The following ESR1 variants were observed in gnomAD, a reference collection of about 807,000 sequenced individuals.
ESR1 encodes the protein estrogen receptor.
ESR1 carries 12 observed loss-of-function variants against 52.7 expected under a neutral mutation model. The observed-to-expected ratio is 0.23, with a 90% CI of 0.15 to 0.37. The LOEUF (loss-of-function observed/expected upper bound fraction) is 0.37. ESR1 is among the 10% of genes least tolerant of loss of function. The probability of loss-of-function intolerance (pLI) is 1.00; values close to 1 mark genes in which losing one functional copy is unlikely to be tolerated. For synonymous variants in ESR1, 305 were observed against 316.8 expected (o/e 0.96, Z 0.39); for missense variants, 584 against 779.7 (o/e 0.75, Z 2.99).
intron 6 of ESR1, among the ~76,000 whole-genome samples, chr6:152,083,905 A>G (rs904791608): frequency 6.6e-6 from 1 of 152,226 alleles, no homozygotes; most frequent in Non-Finnish European, 1.5e-5. Context: ...CATTTGACCC[A>G]GTGATCTCAT....
chr6:152,106,054 A>G (rs1316674738), downstream of ESR1, among the ~76,000 whole-genome samples: 2 of 151,640 alleles, frequency 1.3e-5, no homozygotes, highest in Non-Finnish European at 1.5e-5. Context: ...CGGCCTCCCA[A>G]AGTGCTGGGA....
At chr6:151,832,144 A>C (rs936045154) in intron 1 of ESR1, among the ~76,000 whole-genome samples, 4 of 152,250 alleles carry the variant, frequency 2.6e-5, no homozygotes, top group African/African-American at 9.6e-5. Context: ...TCAGATAAAC[A>C]GTATAAAAGA....
chr6:151,887,929 A>T (rs1794120538), intron 3 of ESR1, among the ~76,000 whole-genome samples: 1 of 150,134 alleles, frequency 6.7e-6, no homozygotes, highest in Non-Finnish European at 1.5e-5. Flanking sequence ...CTCTAGAAAC[A>T]TTTATCAAAG....
chr6:151,867,414 TACAC>T (rs34943625), intron 2 of ESR1, among the ~76,000 whole-genome samples: 129 of 147,556 alleles, frequency 8.7e-4, no homozygotes, highest in African/African-American at 2.7e-3. Context: ...TCAACAAATT[TACAC>T]ACACACACAC....
Position 151,961,175 on chromosome 6 carries a change from T to A in ESR1, c.1096+16667T>A, listed in dbSNP as rs771697664. Among the ~76,000 whole-genome samples the A allele has an allele frequency of 3.3e-5, 5 of 152,012 alleles. No individual in the cohort carries two copies. In the South Asian group the frequency reaches 1.0e-3, roughly 32 times the overall value. ...TCAGCATAGAGATGATGAATGAGAT[T>A]AGCAAAGTAGTGAGTGTAAAAAGGA... On this transcript the variant is annotated intron_variant, in intron 4 of 7. Coordinates refer to ENST00000206249, the MANE Select transcript of ESR1 (RefSeq NM_000125.4).
chr6:152,099,290 A>G lies in ESR1; in HGVS notation c.*324A>G. On this transcript the variant is annotated 3_prime_UTR_variant, in exon 8 of 8. Transcript: ENST00000206249. ...GGTTGGGGCTCAGATAACTCTGTGCATTTAAGCTACTTGTAGAGACCCAGG... is the reference window on the plus strand; with the variant it reads ...GGTTGGGGCTCAGATAACTCTGTGCGTTTAAGCTACTTGTAGAGACCCAGG... 4.4e-6 allele frequency: 2 copies of G among 456,300 alleles called. No individual in the cohort carries two copies. Among genetic ancestry groups the G allele is most frequent in the Admixed American group, 3.4e-5 (1 of 29,336 alleles). 28.3% of individuals were successfully genotyped at this position (456,300 alleles called of 1,614,324 possible).
At chr6:151,912,560 C>A (rs956469702) in intron 3 of ESR1, among the ~76,000 whole-genome samples, 1 of 152,148 alleles carries the variant, frequency 6.6e-6, no homozygotes, top group African/African-American at 2.4e-5. Flanking sequence ...TCAGTAATTA[C>A]CTTGTACTAT....
At chr6:152,034,927 T>C (rs1438375523) in intron 5 of ESR1, among the ~76,000 whole-genome samples, 3 of 152,228 alleles carry the variant, frequency 2.0e-5, no homozygotes, top group Non-Finnish European at 4.4e-5. Flanking sequence ...GTTTTGATTT[T>C]TGGAGTGATA....
chr6:151,903,011 T>G lies in ESR1; in HGVS notation c.760+22240T>G, dbSNP rs79629134. ...TCCTGGCATTCAAAGTCCTCCACCT[T>G]CCGAATTACACCTGTTTTTTCAGGC... On this transcript the variant is annotated intron_variant, in intron 3 of 7. Coordinates refer to ENST00000206249, the MANE Select transcript of ESR1 (RefSeq NM_000125.4). 5.0e-3 allele frequency among the ~76,000 whole-genome samples: 765 copies of G among 152,268 alleles called. 3 individuals are homozygous for G. The highest frequency in any genetic ancestry group is 9.2e-3 in the Non-Finnish European group (627 of 68,012).
chr6:151,822,748 C>T (rs1279235429), intron 1 of ESR1, among the ~76,000 whole-genome samples: 1 of 152,150 alleles, frequency 6.6e-6, no homozygotes, highest in East Asian at 1.9e-4. Flanking sequence ...CTATGTGAAT[C>T]AGAAGGTTCA....
rs192144590 is a variant in ESR1 at position 151,737,716 on chromosome 6, A to T, written c.-71+35711A>T. 4.9e-3 allele frequency among the ~76,000 whole-genome samples: 743 copies of T among 152,258 alleles called. 8 individuals are homozygous for T. The highest frequency in any genetic ancestry group is 0.017 in the African/African-American group (710 of 41,548). Reference sequence around the variant, plus strand: ...GCCTTCCTAGAATAATTATGCATATACAAGCAAAGAAGGGTATAAGGGTAC... The same window carrying T: ...GCCTTCCTAGAATAATTATGCATATTCAAGCAAAGAAGGGTATAAGGGTAC... On this transcript the variant is annotated intron_variant, in intron 2 of 2. Coordinates refer to the ESR1 transcript ENST00000404742.
At chr6:151,985,532 A>C (rs1197313714) in intron 4 of ESR1, among the ~76,000 whole-genome samples, 109 of 120,050 alleles carry the variant, frequency 9.1e-4, no homozygotes, top group African/African-American at 3.1e-3. Flanking sequence ...AAAAAAAAAA[A>C]ACACAAACAA....
At chr6:151,703,332 G>A (rs1324625549) in intron 2 of ESR1, among the ~76,000 whole-genome samples, 1 of 152,188 alleles carries the variant, frequency 6.6e-6, no homozygotes, top group Non-Finnish European at 1.5e-5. Context: ...GGTCAGGCCA[G>A]TCTTCTGAGG....
intron 4 of ESR1, among the ~76,000 whole-genome samples, chr6:151,995,530 A>G (rs1456006514): frequency 6.6e-6 from 1 of 152,236 alleles, no homozygotes; most frequent in East Asian, 1.9e-4. Flanking sequence ...ATGACTTAAG[A>G]TATACATCAG....
At chr6:151,673,251 G>T (rs1371251779) in intron 1 of ESR1, among the ~76,000 whole-genome samples, 1 of 152,262 alleles carries the variant, frequency 6.6e-6, no homozygotes, top group South Asian at 2.1e-4. Flanking sequence ...ACTTCTAAAA[G>T]AAATATATTG....
chr6:151,920,848 G>C (rs2031507345), intron 3 of ESR1, among the ~76,000 whole-genome samples: 1 of 151,894 alleles, frequency 6.6e-6, no homozygotes, highest in Admixed American at 6.6e-5. Context: ...TATTTGTCAG[G>C]TTTCTGTATT....
At chr6:151,697,124 G>A (rs535380292) in intron 1 of ESR1, among the ~76,000 whole-genome samples, 27 of 152,286 alleles carry the variant, frequency 1.8e-4, no homozygotes, top group African/African-American at 6.0e-4. Context: ...GGATTGGAAT[G>A]AAATAAAGAC....
downstream of ESR1, among the ~76,000 whole-genome samples, chr6:152,108,046 T>A (rs1255695948): frequency 1.3e-5 from 2 of 152,174 alleles, no homozygotes; most frequent in South Asian, 2.1e-4. Flanking sequence ...TCTGACTCAA[T>A]TTTTTGCTGG....
chr6:151,957,752 T>A (rs56668077), intron 4 of ESR1, among the ~76,000 whole-genome samples: 6,591 of 152,268 alleles, frequency 0.043, 376 homozygotes, highest in African/African-American at 0.13. Flanking sequence ...CTATTTCAGA[T>A]GTGACTGTTT....
Sources: allele counts gnomAD v4.1 joint callset (sites outside exome capture counted in the v4.1 genomes callset), GRCh38; gene constraint gnomAD v4.1.1; transcripts MANE v1.5; gene names NCBI Gene and HGNC (gene_info 2026-07-23, HGNC 2026-07-21).